The following PRKCZ variants were observed in gnomAD, a reference collection of about 807,000 sequenced individuals.
PRKCZ encodes protein kinase C zeta type.
A neutral mutation model predicts 79.5 loss-of-function variants in PRKCZ; 33 were observed. That is an observed-to-expected ratio of 0.41 (90% CI 0.31 to 0.55). The LOEUF is 0.55. PRKCZ is among the 20% of genes least tolerant of loss of function. The probability of loss-of-function intolerance (pLI) is 0.19; values close to 1 mark genes in which losing one functional copy is unlikely to be tolerated. For synonymous variants in PRKCZ, 342 were observed against 320.9 expected (o/e 1.07, Z -0.70); for missense variants, 578 against 813.5 (o/e 0.71, Z 3.52).
intron 1 of PRKCZ, among the ~76,000 whole-genome samples, chr1:2,053,271 T>C (rs969234588): frequency 7.2e-5 from 11 of 152,118 alleles, no homozygotes; most frequent in South Asian, 2.1e-4. Flanking sequence ...CGGTTAACTT[T>C]TGTAGTTTTA....
intron 4 of PRKCZ, among the ~76,000 whole-genome samples, chr1:2,068,352 C>A (rs1661296038): frequency 6.6e-6 from 1 of 152,254 alleles, no homozygotes; most frequent in Admixed American, 6.5e-5. Flanking sequence ...GTGGCCAGGG[C>A]TGGCTTTCTT....
chr1:2,087,493 A>G (rs374083027), intron 4 of PRKCZ, among the ~76,000 whole-genome samples: 1 of 152,140 alleles, frequency 6.6e-6, no homozygotes, highest in Non-Finnish European at 1.5e-5. Context: ...GCACCTGTGG[A>G]TGGCATCCCG....
At chr1:2,109,796 C>T (rs1034139595) in intron 4 of PRKCZ, among the ~76,000 whole-genome samples, 5 of 152,270 alleles carry the variant, frequency 3.3e-5, no homozygotes, top group South Asian at 2.1e-4. Context: ...GGCCGTGCCA[C>T]GTCGCTCAGA....
At chr1:2,155,283 ATGATGGTAG>A (rs1358724981) in intron 9 of PRKCZ, among the ~76,000 whole-genome samples, 1 of 149,704 alleles carries the variant, frequency 6.7e-6, no homozygotes, top group South Asian at 2.1e-4. Flanking sequence ...GGTGGTGATG[ATGATGGTAG>A]TGGTGATGAC....
intron 10 of PRKCZ, among the ~76,000 whole-genome samples, chr1:2,163,678 C>G (rs1367555085): frequency 6.6e-6 from 1 of 151,270 alleles, no homozygotes; most frequent in Non-Finnish European, 1.5e-5. Flanking sequence ...ATCACGAGGT[C>G]AGGAGATCAA....
intron 5 of PRKCZ, among the ~76,000 whole-genome samples, chr1:2,135,786 C>CCTCTGT (rs1460395296): frequency 6.6e-6 from 1 of 152,258 alleles, no homozygotes; most frequent in Non-Finnish European, 1.5e-5. Context: ...CCTGCTTGGG[C>CCTCTGT]CTCTGTCTTC....
rs540164710 is a variant in PRKCZ, at chr1:2,137,419, A to G, written c.420+2072A>G. On this transcript the variant is annotated intron_variant, in intron 5 of 17. Transcript: ENST00000378567. ...TAGACACACCCAGATGCAATACTTC[A>G]CCAGTTCTCTAGGCATCCTTCAACC... Among the ~76,000 whole-genome samples, 16 of 152,164 alleles carry G rather than the reference A, an allele frequency of 1.1e-4. No individual in the cohort carries two copies. In the South Asian group the frequency reaches 3.3e-3, roughly 32 times the overall value.
chr1:2,156,070 T>G lies in PRKCZ; in HGVS notation c.952T>G (p.Ser318Ala), dbSNP rs1227964893. Residue 318 changes from serine to alanine, a missense_variant, in exon 10 of 18, where the codon TCC (serine) becomes GCC (alanine). This residue lies in a region of PRKCZ where 243 missense variants were observed against 467.0 expected (regional missense o/e 0.52). Coordinates refer to ENST00000378567, the MANE Select transcript of PRKCZ (RefSeq NM_002744.6). ...CAACCCCTTCCTGGTCGGATTACACTCCTGCTTCCAGACGACAAGTCGGTA... is the reference window on the plus strand; with the variant it reads ...CAACCCCTTCCTGGTCGGATTACACGCCTGCTTCCAGACGACAAGTCGGTA... Reference protein sequence around the residue: ...SSNPFLVGLHSCFQTTSRLFL... With the variant: ...SSNPFLVGLHACFQTTSRLFL... The G allele has an allele frequency of 1.2e-6, 2 of 1,613,484 alleles. No homozygotes were observed. Among genetic ancestry groups the G allele is most frequent in the African/African-American group, 2.7e-5 (2 of 74,902 alleles).
chr1:2,087,898 G>T (rs940515808), intron 4 of PRKCZ, among the ~76,000 whole-genome samples: 26 of 152,312 alleles, frequency 1.7e-4, no homozygotes, highest in African/African-American at 5.8e-4. Context: ...AGCCAGGCAG[G>T]TCACTGCCTG....
At chr1:2,061,846 G>T (rs1359695780) in intron 4 of PRKCZ, among the ~76,000 whole-genome samples, 1 of 152,222 alleles carries the variant, frequency 6.6e-6, no homozygotes, top group Non-Finnish European at 1.5e-5. Flanking sequence ...TGACTGTGGT[G>T]CTCATCTCAG....
chr1:2,091,752 G>A (rs1006745102), intron 4 of PRKCZ, among the ~76,000 whole-genome samples: 6 of 152,168 alleles, frequency 3.9e-5, no homozygotes, highest in South Asian at 2.1e-4. Flanking sequence ...TGCACGCACC[G>A]TGTGAACTGA....
intron 6 of PRKCZ, 197 bp downstream of exon 6, chr1:2,144,538 C>T (rs951959615): frequency 3.3e-5 from 46 of 1,413,464 alleles, no homozygotes; most frequent in Admixed American, 1.1e-4. Context: ...CACAAGCCCC[C>T]GGCACACTCT....
rs150124476 is a variant in PRKCZ at position 2,173,218 on chromosome 1, C to T, written c.1286-679C>T. Among the ~76,000 whole-genome samples, 1 of 152,258 alleles carries T rather than the reference C, an allele frequency of 6.6e-6. No homozygotes were observed. The highest frequency in any genetic ancestry group is 1.5e-5 in the Non-Finnish European group (1 of 68,010). ...CAGGCAGGGCGGGCAGGTCACTCGC[C>T]GCTGGGATAACTGGGCTCCCCAGCG... On this transcript the variant is annotated intron_variant, in intron 13 of 17. Transcript: ENST00000378567. This position sits in a 1 kb window ranked among gnomAD's most constrained non-coding sequence, Gnocchi z 5.7.
chr1:2,061,245 C>T (rs1660647163), intron 4 of PRKCZ, among the ~76,000 whole-genome samples: 1 of 152,230 alleles, frequency 6.6e-6, no homozygotes, highest in East Asian at 1.9e-4. Flanking sequence ...CACCGTATTT[C>T]TCCGACATGT....
chr1:2,091,263 C>T (rs1665448106), intron 4 of PRKCZ, among the ~76,000 whole-genome samples: 1 of 152,218 alleles, frequency 6.6e-6, no homozygotes, highest in East Asian at 1.9e-4. Context: ...TCTCGAACTC[C>T]TGACCTCAGG....
In PRKCZ at chr1:2,156,924, G is replaced by A. The variant is rs115498558; in HGVS notation, c.974+832G>A. 2.2e-3 allele frequency among the ~76,000 whole-genome samples: 340 copies of A among 152,034 alleles called. 1 individual carries two copies. The highest frequency in any genetic ancestry group is 7.8e-3 in the African/African-American group (322 of 41,468). ...GAAACAGAACCAGTTGTGTGCACGT[G>A]TGTGTGTGTGTGTAAAGAGATTTAT... On this transcript the variant is annotated intron_variant, in intron 10 of 17. Transcript: ENST00000378567.
intron 4 of PRKCZ, among the ~76,000 whole-genome samples, chr1:2,098,770 C>G (rs992368261): frequency 2.0e-5 from 3 of 152,160 alleles, no homozygotes; most frequent in African/African-American, 7.2e-5. Context: ...CGAGCTCCAC[C>G]TCTCGGGTTC....
At chr1:2,074,307 G>T (rs756657944) in intron 4 of PRKCZ, 3 of 1,548,522 alleles carry the variant, frequency 1.9e-6, no homozygotes, top group East Asian at 2.4e-5. Context: ...GATGTGTGGC[G>T]GTGGCTGTGG....
In PRKCZ at chr1:2,155,040, G is replaced by A. The variant is rs559588867; in HGVS notation, c.877-955G>A. Among the ~76,000 whole-genome samples the A allele has an allele frequency of 5.3e-5, 8 of 152,338 alleles. No individual in the cohort carries two copies. The East Asian group carries it at 1.3e-3, about 26-fold the overall frequency. On this transcript the variant is annotated intron_variant, in intron 9 of 17. Coordinates refer to ENST00000378567, the MANE Select transcript of PRKCZ (RefSeq NM_002744.6). Reference sequence around the variant, plus strand: ...GGCAAAGCCTGGAGGCCAGAGGCCAGTATACCACCAGAGGCCAGCATACAA... The same window carrying A: ...GGCAAAGCCTGGAGGCCAGAGGCCAATATACCACCAGAGGCCAGCATACAA...
Sources: allele counts gnomAD v4.1 joint callset (sites outside exome capture counted in the v4.1 genomes callset), GRCh38; gene constraint gnomAD v4.1.1; regional missense constraint gnomAD v4.1.1; non-coding constraint Gnocchi (gnomAD v3.1); transcripts MANE v1.5; gene names NCBI Gene and HGNC (gene_info 2026-07-23, HGNC 2026-07-21).